PRKD3: variants seen among roughly 807,000 people sequenced by gnomAD.
The protein encoded by PRKD3 is protein kinase D3.
In PRKD3, 47 loss-of-function variants were observed where a neutral mutation model predicts 99.2. That is an observed-to-expected ratio of 0.47 (90% CI 0.38 to 0.60). The LOEUF is 0.60. Ranked by LOEUF, PRKD3 falls within the 20% of genes least tolerant of loss-of-function variation. The probability of loss-of-function intolerance (pLI) is 0.00; values close to 1 mark genes in which losing one functional copy is unlikely to be tolerated. For missense variants in PRKD3, 1,019 were observed against 1,088.4 expected (o/e 0.94, Z 0.90); for synonymous variants, 392 against 355.4 (o/e 1.10, Z -1.16).
chr2:37,269,586 A>G (rs763137534), intron 13 of PRKD3, 29 bp downstream of exon 13: 31 of 1,572,892 alleles, frequency 2.0e-5, no homozygotes, highest in Non-Finnish European at 2.6e-5. Context: ...AATAATGTGT[A>G]CAATATGCAA....
intron 6 of PRKD3, among the ~76,000 whole-genome samples, chr2:37,283,514 T>C (rs1236036301): frequency 6.6e-6 from 1 of 152,208 alleles, no homozygotes; most frequent in Non-Finnish European, 1.5e-5. Context: ...ATAAGCCCCA[T>C]GAAATGTATA....
chr2:37,264,839 A>G (rs1668725972), intron 14 of PRKD3, among the ~76,000 whole-genome samples: 1 of 152,174 alleles, frequency 6.6e-6, no homozygotes, highest in African/African-American at 2.4e-5. Context: ...AATCACAGGT[A>G]TCTAAAAATG....
intron 2 of PRKD3, 146 bp downstream of exon 2, chr2:37,316,090 AG>A: frequency 1.2e-6 from 1 of 803,356 alleles, no homozygotes; most frequent in East Asian, 2.6e-5. Flanking sequence ...TTCAGTCTTT[AG>A]CCTCAGAGGT....
At chr2:37,290,756 A>G in intron 4 of PRKD3, 112 bp downstream of exon 4, 4 of 1,224,028 alleles carry the variant, frequency 3.3e-6, no homozygotes, top group Non-Finnish European at 4.5e-6. Context: ...CCAATTCTAA[A>G]TCCTCGTTAC....
At position 37,286,381 on chromosome 2, in the gene PRKD3, G is replaced by A. The variant is rs1408706486; in HGVS notation, c.718-12C>T. ...TGGTGGACATGTGACTATAACATAAGTAATTTTCATAAGTGTAAGTCAATA... is the reference window on the plus strand; with the variant it reads ...TGGTGGACATGTGACTATAACATAAATAATTTTCATAAGTGTAAGTCAATA... On this transcript the variant is annotated splice_polypyrimidine_tract_variant and intron_variant, in intron 5 of 18. Transcript: ENST00000234179. 3 of 1,608,580 alleles carry A rather than the reference G, an allele frequency of 1.9e-6. No homozygotes were observed. Among genetic ancestry groups the A allele is most frequent in the South Asian group, 1.1e-5 (1 of 90,886 alleles).
chr2:37,274,290 G>T, intron 11 of PRKD3, 131 bp downstream of exon 11: 3 of 998,494 alleles, frequency 3.0e-6, no homozygotes, highest in South Asian at 1.7e-5. Context: ...AATTGTATTG[G>T]TTACTAAAGT....
chr2:37,279,028 G>C (rs1213839830), intron 8 of PRKD3: 1 of 151,806 alleles, frequency 6.6e-6, no homozygotes, highest in Non-Finnish European at 1.5e-5. Flanking sequence ...TAATGTTAAT[G>C]ATAGTAATAA....
At chr2:37,282,822 T>A (rs1390160514) in intron 6 of PRKD3, among the ~76,000 whole-genome samples, 1 of 152,188 alleles carries the variant, frequency 6.6e-6, no homozygotes, top group African/African-American at 2.4e-5. Flanking sequence ...ATACCATGTG[T>A]ACAACACCGC....
chr2:37,323,145 G>A (rs1316961334), intron 1 of PRKD3, among the ~76,000 whole-genome samples: 2 of 151,142 alleles, frequency 1.3e-5, no homozygotes, highest in East Asian at 3.9e-4. Flanking sequence ...CGAACAGAAA[G>A]AAATTTCTAT....
intron 2 of PRKD3, among the ~76,000 whole-genome samples, chr2:37,303,879 C>T (rs1671046490): frequency 6.6e-6 from 1 of 152,060 alleles, no homozygotes; most frequent in Non-Finnish European, 1.5e-5. Context: ...AGCTTGATAG[C>T]TTCATAAACA....
rs1347725979 is a variant in PRKD3 at position 37,251,033 on chromosome 2, T to C, written c.*2144A>G. 1.3e-5 allele frequency: 2 copies of C among 152,526 alleles called. No individual in the cohort carries two copies. Among genetic ancestry groups the C allele is most frequent in the East Asian group, 1.9e-4 (1 of 5,186 alleles). The allele number at this position is 152,526 out of a possible 1,614,324, so 9.4% of individuals were successfully genotyped here. A position where few individuals can be genotyped will look rare whatever the true frequency, so the allele number is the denominator to read the frequency against. Reference sequence around the variant, plus strand: ...CTTGTAAAGTTTGACTATGTAAGTATAGCAAACAAACATCGTTCCAGTTAA... The same window carrying C: ...CTTGTAAAGTTTGACTATGTAAGTACAGCAAACAAACATCGTTCCAGTTAA... On this transcript the variant is annotated 3_prime_UTR_variant, in exon 19 of 19. Coordinates refer to ENST00000234179, the MANE Select transcript of PRKD3 (RefSeq NM_005813.6).
chr2:37,277,810 G>C (rs1669648277), intron 9 of PRKD3, 56 bp downstream of exon 9: 23 of 1,573,410 alleles, frequency 1.5e-5, no homozygotes, highest in Non-Finnish European at 2.0e-5. Flanking sequence ...AAAATGCACA[G>C]AATGAAACTC....
In PRKD3 at chr2:37,316,252, G is replaced by A. The variant is rs374654855; in HGVS notation, c.273C>T (p.Ser91=). 7.4e-6 allele frequency: 12 copies of A among 1,612,956 alleles called. No homozygotes were observed. The African/African-American group carries it at 1.1e-4, about 14-fold the overall frequency. The change falls in exon 2 of 19, where the codon TCC becomes TCT. Residue 91 remains serine, a synonymous_variant. Transcript: ENST00000234179. The part of the protein sequence containing the change: ...SLSAVKDLVC[S]IVYQKFPECG... ...CACACAGTACCTTTTGATAAACTAT[G>A]GAGCACACAAGATCCTTGACAGCAG...
At chr2:37,254,447 T>C (rs538824467) in intron 17 of PRKD3, among the ~76,000 whole-genome samples, 158 bp from the exon 18 acceptor site, 1 of 152,338 alleles carries the variant, frequency 6.6e-6, no homozygotes, top group African/African-American at 2.4e-5. Context: ...AAATGAATCA[T>C]AAATGTTTAC....
At chr2:37,273,495 C>G (rs1191414848) in intron 11 of PRKD3, among the ~76,000 whole-genome samples, 1 of 151,994 alleles carries the variant, frequency 6.6e-6, no homozygotes. Context: ...TCTATGAAGT[C>G]TTGTTTACTC....
At chr2:37,286,402 C>T (rs374002420) in intron 5 of PRKD3, 33 bp from the exon 6 acceptor site, 2 of 1,576,376 alleles carry the variant, frequency 1.3e-6, no homozygotes, top group Non-Finnish European at 1.7e-6. Context: ...AAGTGTAAGT[C>T]AATATTAAAA....
intron 3 of PRKD3, among the ~76,000 whole-genome samples, chr2:37,292,511 AT>A (rs1373909089): frequency 1.3e-5 from 2 of 151,422 alleles, no homozygotes; most frequent in Admixed American, 6.6e-5. Flanking sequence ...GCCTGGCCAA[AT>A]TTTTTTTGTA....
At chr2:37,254,174 T>A in intron 18 of PRKD3, 30 bp downstream of exon 18, 2 of 1,513,850 alleles carry the variant, frequency 1.3e-6, no homozygotes, top group Non-Finnish European at 9.2e-7. Flanking sequence ...CAAATGAGGA[T>A]TGCCAAAGAG....
At chr2:37,264,266 A>G (rs192484261) in intron 14 of PRKD3, among the ~76,000 whole-genome samples, 1 of 152,194 alleles carries the variant, frequency 6.6e-6, no homozygotes, top group African/African-American at 2.4e-5. Context: ...GTTTTTTTCA[A>G]TCTAACAATG....
Sources: gnomAD v4.1 joint callset for allele counts (sites outside exome capture counted in the v4.1 genomes callset) on GRCh38, gnomAD v4.1.1 for gene constraint, MANE v1.5 for transcripts, NCBI Gene and HGNC (gene_info 2026-07-23, HGNC 2026-07-21) for gene names.